Variants in KIRREL3 observed in about 807,000 individuals in gnomAD.
KIRREL3 encodes the protein kin of IRRE-like protein 3.
KIRREL3 carries 36 observed loss-of-function variants against 89.7 expected under a neutral mutation model. That is an observed-to-expected ratio of 0.40 (90% confidence interval 0.31 to 0.53). The LOEUF is 0.53. Ranked by LOEUF, KIRREL3 falls within the 20% of genes least tolerant of loss-of-function variation. The probability of loss-of-function intolerance (pLI) is 0.49; values close to 1 mark genes in which losing one functional copy is unlikely to be tolerated. For missense variants in KIRREL3, 864 were observed against 1,056.6 expected (o/e 0.82, Z 2.53); for synonymous variants, 445 against 441.4 (o/e 1.01, Z -0.10).
chr11:126,873,528 C>A (rs1945176339), intron 1 of KIRREL3, among the ~76,000 whole-genome samples: 1 of 152,166 alleles, frequency 6.6e-6, no homozygotes, highest in African/African-American at 2.4e-5. Flanking sequence ...TCCCTTTGTG[C>A]ATTTTTCTTT....
At chr11:126,434,705 G>A (rs1333141132) in intron 13 of KIRREL3, among the ~76,000 whole-genome samples, 1 of 152,194 alleles carries the variant, frequency 6.6e-6, no homozygotes, top group Non-Finnish European at 1.5e-5. Context: ...GCTTTGCTGC[G>A]TGTGCCTGGG....
chr11:126,981,700 C>G lies in KIRREL3; in HGVS notation c.55+18755G>C, dbSNP rs1208153788. The stretch of plus-strand genomic sequence containing the variant: ...GGGGCTTTTATCAATGCACCCCCAT[C>G]CTTGGAGTAGGTTCCTGAGCTTGGT... On this transcript the variant is annotated intron_variant, in intron 1 of 16. Transcript: ENST00000525144. This position sits in a 1 kb window ranked among gnomAD's most constrained non-coding sequence, Gnocchi z 4.2. Among the ~76,000 whole-genome samples the G allele has an allele frequency of 6.6e-6, 1 of 152,172 alleles. No individual in the cohort carries two copies. The highest frequency in any genetic ancestry group is 2.4e-5 in the African/African-American group (1 of 41,452).
At chr11:126,937,873 T>C (rs1187975671) in intron 1 of KIRREL3, among the ~76,000 whole-genome samples, 1 of 152,108 alleles carries the variant, frequency 6.6e-6, no homozygotes, top group African/African-American at 2.4e-5. Context: ...CACTCCAGCC[T>C]GGGCGACAGA....
At chr11:126,456,243 A>T in intron 7 of KIRREL3, 106 bp downstream of exon 7, 1 of 729,030 alleles carries the variant, frequency 1.4e-6, no homozygotes, top group Non-Finnish European at 2.4e-6. Context: ...GGTGTGGACT[A>T]GGCACACACT....
chr11:126,437,840 C>T (rs1256168769), intron 11 of KIRREL3, among the ~76,000 whole-genome samples: 2 of 152,284 alleles, frequency 1.3e-5, no homozygotes, highest in East Asian at 1.9e-4. Context: ...TACACACATT[C>T]GCCATACACA....
Position 126,455,526 on chromosome 11 carries a change from T to C in KIRREL3, c.848+823A>G, listed in dbSNP as rs995382338. Among the ~76,000 whole-genome samples the C allele has an allele frequency of 1.3e-5, 2 of 152,026 alleles. No individual in the cohort carries two copies. Among genetic ancestry groups the C allele is most frequent in the African/African-American group, 4.8e-5 (2 of 41,372 alleles). Reference sequence around the variant, plus strand: ...TGCTTTGGCCGGGTGCGGTGGCTCATGCCTGTAATCCCAGCACTTTGGGAG... The same window carrying C: ...TGCTTTGGCCGGGTGCGGTGGCTCACGCCTGTAATCCCAGCACTTTGGGAG... On this transcript the variant is annotated intron_variant, in intron 7 of 16. Transcript: ENST00000525144. The surrounding 1 kb of genome is among the most constrained non-coding windows in gnomAD (Gnocchi z 6.4).
In KIRREL3 at chr11:126,594,323, A is replaced by C. The variant is rs533939574; in HGVS notation, c.56-31411T>G. The stretch of plus-strand genomic sequence containing the variant: ...GTACTGTGATTTTTTTGTTGTTGCT[A>C]TGGTCCTTTCTACCTGGATGAATTC... On this transcript the variant is annotated intron_variant, in intron 1 of 16. Coordinates refer to ENST00000525144, the MANE Select transcript of KIRREL3 (RefSeq NM_032531.4). The surrounding 1 kb of genome is among the most constrained non-coding windows in gnomAD (Gnocchi z 5.0). 6.6e-6 allele frequency among the ~76,000 whole-genome samples: 1 copy of C among 152,100 alleles called. No individual in the cohort carries two copies. Among genetic ancestry groups the C allele is most frequent in the African/African-American group, 2.4e-5 (1 of 41,434 alleles).
intron 2 of KIRREL3, among the ~76,000 whole-genome samples, chr11:126,536,795 C>A (rs2134476252): frequency 6.6e-6 from 1 of 152,188 alleles, no homozygotes; most frequent in Middle Eastern, 3.4e-3. Context: ...CAGGCATGTG[C>A]CACTATGCCT....
In KIRREL3 at chr11:126,814,024, G is replaced by T. The variant is rs747890682; in HGVS notation, c.55+186431C>A. 3.2e-4 allele frequency among the ~76,000 whole-genome samples: 48 copies of T among 151,842 alleles called. No individual in the cohort carries two copies. The highest frequency in any genetic ancestry group is 1.2e-3 in the Admixed American group (18 of 15,258). On this transcript the variant is annotated intron_variant, in intron 1 of 16. Coordinates refer to ENST00000525144, the MANE Select transcript of KIRREL3 (RefSeq NM_032531.4). This position sits in a 1 kb window ranked among gnomAD's most constrained non-coding sequence, Gnocchi z 4.4. Reference sequence around the variant, plus strand: ...TTTGCAGTCTATTCAACTGACAAAGGTCTAATATCCAGAGTCTACAAGGAA... The same window carrying T: ...TTTGCAGTCTATTCAACTGACAAAGTTCTAATATCCAGAGTCTACAAGGAA...
chr11:126,461,609 T>C (rs776202137), intron 6 of KIRREL3, among the ~76,000 whole-genome samples: 3 of 152,134 alleles, frequency 2.0e-5, no homozygotes, highest in African/African-American at 4.8e-5. Context: ...TGTGTGTGGG[T>C]ATCTTGAGCC....
At position 126,776,268 on chromosome 11, in the gene KIRREL3, G is replaced by A. The variant is rs1217844333; in HGVS notation, c.56-213356C>T. On this transcript the variant is annotated intron_variant, in intron 1 of 16. Transcript: ENST00000525144. The surrounding 1 kb of genome is among the most constrained non-coding windows in gnomAD (Gnocchi z 4.7). ...GCTCTTTGAACAGGGAGGAGCTGGA[G>A]GACTTGGAAGGGAATGTGTGCTTCC... is the stretch of plus-strand genomic sequence containing the variant. 6.6e-6 allele frequency among the ~76,000 whole-genome samples: 1 copy of A among 152,172 alleles called. No individual in the cohort carries two copies. The highest frequency in any genetic ancestry group is 1.5e-5 in the Non-Finnish European group (1 of 68,028).
At chr11:126,644,060 T>C (rs1413264455) in intron 1 of KIRREL3, among the ~76,000 whole-genome samples, 1 of 152,086 alleles carries the variant, frequency 6.6e-6, no homozygotes, top group East Asian at 1.9e-4. Context: ...CAGAACTAGA[T>C]ATAAGGAAGT....
intron 1 of KIRREL3, among the ~76,000 whole-genome samples, chr11:126,649,128 C>T (rs1448857278): frequency 2.6e-5 from 4 of 152,106 alleles, no homozygotes; most frequent in East Asian, 1.9e-4. Flanking sequence ...TTCACTACCC[C>T]TAGAACAGTA....
intron 1 of KIRREL3, among the ~76,000 whole-genome samples, chr11:126,660,631 T>A (rs954748407): frequency 2.0e-5 from 3 of 148,002 alleles, no homozygotes; most frequent in African/African-American, 7.5e-5. Context: ...ATGCCCACAT[T>A]GGAGGAGCAA....
chr11:126,876,917 T>C lies in KIRREL3; in HGVS notation c.55+123538A>G, dbSNP rs1945311487. Among the ~76,000 whole-genome samples the C allele has an allele frequency of 6.6e-6, 1 of 152,182 alleles. No individual in the cohort carries two copies. Among genetic ancestry groups the C allele is most frequent in the Admixed American group, 6.5e-5 (1 of 15,280 alleles). On this transcript the variant is annotated intron_variant, in intron 1 of 16. Coordinates refer to ENST00000525144, the MANE Select transcript of KIRREL3 (RefSeq NM_032531.4). This position sits in a 1 kb window ranked among gnomAD's most constrained non-coding sequence, Gnocchi z 4.1. Reference sequence around the variant, plus strand: ...CACAATTGATAACCCTTACAGTAGATTGCAGAAACCTATAAGACAGACTAT... The same window carrying C: ...CACAATTGATAACCCTTACAGTAGACTGCAGAAACCTATAAGACAGACTAT...
rs1786167163 is a variant in KIRREL3, at chr11:126,908,212, A to T, written c.55+92243T>A. On this transcript the variant is annotated intron_variant, in intron 1 of 16. Transcript: ENST00000525144. This position sits in a 1 kb window ranked among gnomAD's most constrained non-coding sequence, Gnocchi z 4.2. The stretch of plus-strand genomic sequence containing the variant: ...CCTAGGCACATAATAGACCCTTGAT[A>T]AATATTTATTAAATAAATAAATCTA... Among the ~76,000 whole-genome samples the T allele has an allele frequency of 6.6e-6, 1 of 152,256 alleles. No individual in the cohort carries two copies. Among genetic ancestry groups the T allele is most frequent in the African/African-American group, 2.4e-5 (1 of 41,470 alleles).
chr11:126,479,714 C>A (rs1029413042), intron 4 of KIRREL3, among the ~76,000 whole-genome samples: 3 of 152,170 alleles, frequency 2.0e-5, no homozygotes. Flanking sequence ...CTGCTCCCTT[C>A]GCTCCCCCGG....
At chr11:126,916,964 T>C (rs1047876588) in intron 1 of KIRREL3, among the ~76,000 whole-genome samples, 3 of 152,216 alleles carry the variant, frequency 2.0e-5, no homozygotes, top group Non-Finnish European at 2.9e-5. Context: ...GCGGGGACAG[T>C]TGGTCACCCT....
rs1949849227 is a variant in KIRREL3, at chr11:126,985,791, T to C, written c.55+14664A>G. Among the ~76,000 whole-genome samples the C allele has an allele frequency of 1.3e-5, 2 of 152,260 alleles. No individual in the cohort carries two copies. The highest frequency in any genetic ancestry group is 2.1e-4 in the South Asian group (1 of 4,814). ...CGAACTCTGTGCAAAGCTGATGATT[T>C]GGTTATTGTCACAGCGGAGCTACTG... On this transcript the variant is annotated intron_variant, in intron 1 of 16. Coordinates refer to ENST00000525144, the MANE Select transcript of KIRREL3 (RefSeq NM_032531.4). This position sits in a 1 kb window ranked among gnomAD's most constrained non-coding sequence, Gnocchi z 5.3.
Sources: gnomAD v4.1 joint callset for allele counts (sites outside exome capture counted in the v4.1 genomes callset) on GRCh38, gnomAD v4.1.1 for gene constraint, Gnocchi (gnomAD v3.1) non-coding constraint, MANE v1.5 for transcripts, NCBI Gene and HGNC (gene_info 2026-07-23, HGNC 2026-07-21) for gene names.